TTC6: variants seen among roughly 807,000 people sequenced by gnomAD.
TTC6 encodes tetratricopeptide repeat protein 6.
Under a neutral mutation model 210.4 loss-of-function variants are expected in TTC6, and 172 were observed. That is an observed-to-expected ratio of 0.82 (90% confidence interval 0.72 to 0.93). TTC6 has a LOEUF of 0.93. TTC6 is among the 40% of genes least tolerant of loss of function. TTC6 has a pLI of 0.00. For missense variants in TTC6, 2,414 were observed against 2,318.1 expected, an observed-to-expected ratio of 1.04 and a Z score of -0.85; for synonymous variants, 804 against 819.6, an observed-to-expected ratio of 0.98 and a Z score of 0.32.
In TTC6 at chr14:37,751,257, A is replaced by G. The variant is rs1345050032; in HGVS notation, c.3129+32A>G. 4.8e-6 allele frequency: 7 copies of G among 1,471,896 alleles called. No individual in the cohort carries two copies. The South Asian group carries it at 8.3e-5, about 17-fold the overall frequency. 91.2% of individuals were successfully genotyped at this position (1,471,896 alleles called of 1,614,324 possible). A position where few individuals can be genotyped will look rare whatever the true frequency, so the allele number is the denominator to read the frequency against. ...TTTATCACATATAATTCTACCATTT[A>G]TATAGTTTAGATTGCGATATCCTCA... On this transcript the variant is annotated intron_variant, in intron 13 of 30. Coordinates refer to ENST00000553443, the Ensembl canonical transcript of TTC6.
At chr14:37,763,266 G>A (rs2095989934) in intron 14 of TTC6, among the ~76,000 whole-genome samples, 1 of 152,038 alleles carries the variant, frequency 6.6e-6, no homozygotes, top group East Asian at 1.9e-4. Flanking sequence ...TATTGGTAAG[G>A]GACATTGGTG....
At chr14:37,715,941 A>G (rs538294349) in intron 6 of TTC6, among the ~76,000 whole-genome samples, 1 of 152,318 alleles carries the variant, frequency 6.6e-6, no homozygotes, top group East Asian at 1.9e-4. Flanking sequence ...GGTAAGTACA[A>G]TAAAATTTCC....
intron 4 of TTC6, among the ~76,000 whole-genome samples, chr14:37,698,267 T>A (rs1173574441): frequency 6.6e-6 from 1 of 152,232 alleles, no homozygotes; most frequent in African/African-American, 2.4e-5. Context: ...TTCTTGGGAA[T>A]TCAAACATCT....
intron 6 of TTC6, among the ~76,000 whole-genome samples, chr14:37,722,497 G>A (rs1290688424): frequency 6.6e-6 from 1 of 152,118 alleles, no homozygotes; most frequent in Non-Finnish European, 1.5e-5. Flanking sequence ...ACAGGCACAT[G>A]CCATTACACC....
chr14:37,821,023 C>CTCT lies in TTC6; in HGVS notation c.4764-2697_4764-2695dup, dbSNP rs10599374. Among the ~76,000 whole-genome samples, 536 of 145,430 alleles carry CTCT rather than the reference C, an allele frequency of 3.7e-3. 1 individual carries two copies. Among genetic ancestry groups the CTCT allele is most frequent in the African/African-American group, 0.012 (468 of 38,784 alleles). ...CCTCTTGCTCTTCTTCTTCTTCTTC[C>CTCT]TCTTCTTCTTCTTCTTCTTCTTCTT... On this transcript the variant is annotated intron_variant, in intron 26 of 30. Transcript: ENST00000553443.
At chr14:37,765,409 C>T (rs942318580) in intron 14 of TTC6, among the ~76,000 whole-genome samples, 11 of 148,920 alleles carry the variant, frequency 7.4e-5, no homozygotes, top group South Asian at 2.1e-4. Context: ...TCAAACGCTT[C>T]GCCTCAAGCA....
At chr14:37,693,787 T>G (rs1000588034) in intron 3 of TTC6, among the ~76,000 whole-genome samples, 3 of 151,860 alleles carry the variant, frequency 2.0e-5, no homozygotes, top group Admixed American at 6.6e-5. Context: ...ACACCTACAG[T>G]AAACTCATTT....
rs539187351 is a variant in TTC6 at position 37,626,436 on chromosome 14, A to T, written c.939+3433A>T. On this transcript the variant is annotated intron_variant, in intron 1 of 30. Coordinates refer to ENST00000553443, the Ensembl canonical transcript of TTC6. ...CCAAGGTCTCCCATAAGCAAATAACATACAGTCTACAAAAATGTTATGTTA... is the reference window on the plus strand; with the variant it reads ...CCAAGGTCTCCCATAAGCAAATAACTTACAGTCTACAAAAATGTTATGTTA... Among the ~76,000 whole-genome samples, 4 of 152,332 alleles carry T rather than the reference A, an allele frequency of 2.6e-5. No homozygotes were observed. The Middle Eastern group carries it at 0.01, about 389-fold the overall frequency.
chr14:37,685,567 T>C (rs2095792072), intron 3 of TTC6, among the ~76,000 whole-genome samples: 1 of 152,170 alleles, frequency 6.6e-6, no homozygotes, highest in African/African-American at 2.4e-5. Context: ...AGGTTTTAAA[T>C]AAACAGAAGT....
intron 14 of TTC6, among the ~76,000 whole-genome samples, chr14:37,767,827 G>C (rs2139152180): frequency 6.7e-6 from 1 of 150,332 alleles, no homozygotes; most frequent in South Asian, 2.1e-4. Flanking sequence ...TGTCAATTTT[G>C]ACTTTTGTTG....
chr14:37,645,705 A>G (rs1297022501), intron 1 of TTC6, among the ~76,000 whole-genome samples: 1 of 152,122 alleles, frequency 6.6e-6, no homozygotes, highest in African/African-American at 2.4e-5. Flanking sequence ...CAAGGTAGAA[A>G]TGTTCTGTGA....
chr14:37,765,084 G>T (rs990033780), intron 14 of TTC6, among the ~76,000 whole-genome samples: 3 of 151,732 alleles, frequency 2.0e-5, no homozygotes, highest in Admixed American at 2.0e-4. Context: ...AGTTTCAATA[G>T]TCTATAAAAA....
rs116208182 is a variant in TTC6 at position 37,815,897 on chromosome 14, T to G, written c.4690-1681T>G. On this transcript the variant is annotated intron_variant, in intron 25 of 30. Transcript: ENST00000553443. ...CATGTAGTATAATAATGATTATATA[T>G]AGAGAGTCAAGTTCACTTTTGAAAG... Among the ~76,000 whole-genome samples the G allele has an allele frequency of 8.8e-3, 1,344 of 152,178 alleles. 23 individuals are homozygous for G. Among genetic ancestry groups the G allele is most frequent in the South Asian group, 0.066 (318 of 4,800 alleles).
chr14:37,803,922 T>C (rs893027281), intron 20 of TTC6, among the ~76,000 whole-genome samples: 3 of 152,206 alleles, frequency 2.0e-5, no homozygotes, highest in African/African-American at 7.2e-5. Flanking sequence ...ATTTTTTCTT[T>C]AGCAATTTAA....
At chr14:37,841,382 T>A in intron 29 of TTC6, 63 bp from the exon 32 acceptor site, 1 of 1,392,636 alleles carries the variant, frequency 7.2e-7, no homozygotes, top group African/African-American at 1.5e-5. Context: ...AGAGTAAAAG[T>A]GCTTCAAATT....
intron 14 of TTC6, among the ~76,000 whole-genome samples, chr14:37,760,874 T>C (rs1188763513): frequency 1.3e-5 from 2 of 152,146 alleles, no homozygotes; most frequent in African/African-American, 4.8e-5. Context: ...TGCACCAAGT[T>C]AGATCATCCC....
chr14:37,668,635 C>T (rs1203823274), intron 1 of TTC6, among the ~76,000 whole-genome samples: 1 of 152,160 alleles, frequency 6.6e-6, no homozygotes, highest in Admixed American at 6.5e-5. Flanking sequence ...AATCCAGAGA[C>T]TCATGGATAC....
intron 24 of TTC6, among the ~76,000 whole-genome samples, chr14:37,812,072 T>C (rs1283452860): frequency 6.6e-6 from 1 of 152,210 alleles, no homozygotes; most frequent in African/African-American, 2.4e-5. Context: ...ATAGGGTGAC[T>C]TGTAGGTAAA....
intron 1 of TTC6, among the ~76,000 whole-genome samples, chr14:37,654,004 G>C (rs7145766): frequency 5.6e-4 from 85 of 152,302 alleles, no homozygotes; most frequent in African/African-American, 2.0e-3. Context: ...CCAATTAGAA[G>C]AGTGTTTATT....
Sources: allele counts gnomAD v4.1 joint callset (sites outside exome capture counted in the v4.1 genomes callset), GRCh38; gene constraint gnomAD v4.1.1; transcripts MANE v1.5; gene names NCBI Gene and HGNC (gene_info 2026-07-23, HGNC 2026-07-21).